The following ABLIM1 variants were observed in gnomAD, a reference collection of about 807,000 sequenced individuals.
The protein encoded by ABLIM1 is actin-binding LIM protein 1.
ABLIM1 carries 40 observed loss-of-function variants against 107.0 expected under a neutral mutation model. The observed-to-expected ratio is 0.37, with a 90% CI of 0.29 to 0.49. ABLIM1 has a LOEUF of 0.49. ABLIM1 is among the 20% of genes least tolerant of loss of function. ABLIM1 has a pLI of 0.97. For missense variants in ABLIM1, 857 were observed against 1,008.5 expected, an observed-to-expected ratio of 0.85 and a Z score of 2.04; for synonymous variants, 357 against 357.3, an observed-to-expected ratio of 1.00 and a Z score of 0.01.
intron 4 of ABLIM1, among the ~76,000 whole-genome samples, chr10:114,563,042 T>G (rs1322492591): frequency 2.0e-5 from 3 of 152,312 alleles, no homozygotes; most frequent in African/African-American, 7.2e-5. Context: ...ATTTAAGGGT[T>G]TCAGCCTTTT....
intron 21 of ABLIM1, 134 bp downstream of exon 21, chr10:114,439,042 G>A: frequency 1.0e-6 from 1 of 994,660 alleles, no homozygotes; most frequent in African/African-American, 1.6e-5. Flanking sequence ...AGAATGGCAA[G>A]GTGCATATTC....
chr10:114,664,335 T>C (rs1488676241), intron 1 of ABLIM1, among the ~76,000 whole-genome samples: 7 of 152,062 alleles, frequency 4.6e-5, no homozygotes, highest in African/African-American at 1.7e-4. Context: ...ATGAATAATG[T>C]AGGGGCCCAC....
intron 4 of ABLIM1, among the ~76,000 whole-genome samples, chr10:114,568,364 C>A (rs1286580037): frequency 6.6e-6 from 1 of 151,962 alleles, no homozygotes; most frequent in Admixed American, 6.6e-5. Flanking sequence ...CAAACCTGCA[C>A]GTCCTGCACA....
At chr10:114,615,614 C>T in intron 1 of ABLIM1, 1 of 456,566 alleles carries the variant, frequency 2.2e-6, no homozygotes, top group Non-Finnish European at 4.4e-6. Context: ...TCTATAAATG[C>T]ATGTTCAATA....
Position 114,436,045 on chromosome 10 carries a change from G to A in ABLIM1, c.*215C>T, listed in dbSNP as rs1045572400. 43 of 550,394 alleles carry A rather than the reference G, an allele frequency of 7.8e-5. No homozygotes were observed. The highest frequency in any genetic ancestry group is 1.6e-4 in the Admixed American group (5 of 32,190). The allele number at this position is 550,394 out of a possible 1,614,324, so 34.1% of individuals were successfully genotyped here. A position where few individuals can be genotyped will look rare whatever the true frequency, so the allele number is the denominator to read the frequency against. On this transcript the variant is annotated 3_prime_UTR_variant, in exon 23 of 23. Transcript: ENST00000533213. ...ACATGTGGACACTACTCTGTGTTTCGGAACATAGAAATTTCTACGCCATGC... is the reference window on the plus strand; with the variant it reads ...ACATGTGGACACTACTCTGTGTTTCAGAACATAGAAATTTCTACGCCATGC...
intron 1 of ABLIM1, among the ~76,000 whole-genome samples, chr10:114,762,372 C>T (rs2082767869): frequency 6.6e-6 from 1 of 152,120 alleles, no homozygotes; most frequent in Non-Finnish European, 1.5e-5. Flanking sequence ...TTGTCTTCCC[C>T]ATAAAACTGT....
At chr10:114,546,843 C>T (rs1055804390) in intron 5 of ABLIM1, among the ~76,000 whole-genome samples, 2 of 152,070 alleles carry the variant, frequency 1.3e-5, no homozygotes, top group African/African-American at 4.8e-5. Flanking sequence ...TGCAGTGGTG[C>T]GATAATAGTT....
chr10:114,484,057 A>C (rs1444000015), intron 8 of ABLIM1, among the ~76,000 whole-genome samples: 4 of 152,128 alleles, frequency 2.6e-5, no homozygotes. Context: ...CCCCCTGACA[A>C]CAGCCTTAGC....
At chr10:114,444,619 A>G (rs2060747901) in intron 16 of ABLIM1, among the ~76,000 whole-genome samples, 1 of 152,170 alleles carries the variant, frequency 6.6e-6, no homozygotes, top group African/African-American at 2.4e-5. Context: ...CTATCTTTTG[A>G]TTTATATCTA....
intron 2 of ABLIM1, among the ~76,000 whole-genome samples, chr10:114,588,487 C>CTTTTTTTTTTTTTTTT (rs34043960): frequency 1.0e-4 from 8 of 76,558 alleles, no homozygotes; most frequent in African/African-American, 2.2e-4. Context: ...TTCTTTCTTT[C>CTTTTTTTTTTTTTTTT]TTTTTTTTTT....
chr10:114,589,502 C>G (rs112398549), intron 2 of ABLIM1, among the ~76,000 whole-genome samples: 1 of 150,382 alleles, frequency 6.6e-6, no homozygotes, highest in African/African-American at 2.5e-5. Context: ...GCACTCCAGC[C>G]TGGGCAATAG....
chr10:114,739,860 C>T (rs926814278), intron 1 of ABLIM1, among the ~76,000 whole-genome samples: 49 of 152,000 alleles, frequency 3.2e-4, no homozygotes, highest in Admixed American at 3.3e-4. Flanking sequence ...ACAGCCCAAA[C>T]GGATTAAAGG....
chr10:114,752,109 A>G (rs1450600755), intron 1 of ABLIM1, among the ~76,000 whole-genome samples: 1 of 152,216 alleles, frequency 6.6e-6, no homozygotes, highest in South Asian at 2.1e-4. Context: ...AATTGAGTCA[A>G]AGTAAAATTG....
At chr10:114,675,791 C>T (rs189907792) in intron 1 of ABLIM1, among the ~76,000 whole-genome samples, 1 of 152,192 alleles carries the variant, frequency 6.6e-6, no homozygotes, top group South Asian at 2.1e-4. Flanking sequence ...TCAAAGAGTG[C>T]AGAGTCGGTT....
chr10:114,445,439 C>CTTG, intron 15 of ABLIM1, 36 bp from the exon 16 acceptor site: 2 of 1,569,462 alleles, frequency 1.3e-6, no homozygotes, highest in Non-Finnish European at 1.8e-6. Flanking sequence ...TCACATCAGC[C>CTTG]CCAAGACAAG....
intron 4 of ABLIM1, among the ~76,000 whole-genome samples, chr10:114,565,328 A>C (rs193066388): frequency 6.6e-6 from 1 of 152,382 alleles, no homozygotes; most frequent in Admixed American, 6.5e-5. Flanking sequence ...GAGCAGAGAA[A>C]GGCAGCTGTC....
chr10:114,556,445 T>G (rs1337557565), intron 4 of ABLIM1, among the ~76,000 whole-genome samples: 1 of 152,204 alleles, frequency 6.6e-6, no homozygotes, highest in East Asian at 1.9e-4. Context: ...CATCCCTCCA[T>G]AAGTGTGTCA....
chr10:114,769,420 AAGGAAAGAAAGAAAG>A (rs2082984673), upstream of ABLIM1, among the ~76,000 whole-genome samples: 1 of 12,438 alleles, frequency 8.0e-5, no homozygotes, highest in African/African-American at 3.0e-4. Context: ...GAAAGAAAAG[AAGGAAAGAAAGAAAG>A]AAAGAAAGAA....
At chr10:114,754,053 C>T (rs547500284) in intron 1 of ABLIM1, among the ~76,000 whole-genome samples, 18 of 152,184 alleles carry the variant, frequency 1.2e-4, no homozygotes, top group African/African-American at 4.1e-4. Context: ...GGCGTTTCAC[C>T]GTTGGCCAGG....
Sources: gnomAD v4.1 joint callset for allele counts (sites outside exome capture counted in the v4.1 genomes callset) on GRCh38, gnomAD v4.1.1 for gene constraint, MANE v1.5 for transcripts, NCBI Gene and HGNC (gene_info 2026-07-23, HGNC 2026-07-21) for gene names.